The following PLEKHA5 variants were observed in gnomAD, a reference collection of about 807,000 sequenced individuals.
PLEKHA5 encodes pleckstrin homology domain containing A5.
In PLEKHA5, 55 loss-of-function variants were observed where a neutral mutation model predicts 181.9. The ratio of observed to expected loss-of-function variants is 0.30; its 90% CI spans 0.24 to 0.38. The LOEUF (loss-of-function observed/expected upper bound fraction) is 0.38. Ranked by LOEUF, PLEKHA5 falls within the 10% of genes least tolerant of loss-of-function variation. The pLI is 1.00. For synonymous variants in PLEKHA5, 535 were observed against 529.4 expected (o/e 1.01, Z -0.15); for missense variants, 1,432 against 1,549.5 (o/e 0.92, Z 1.27).
intron 15 of PLEKHA5, among the ~76,000 whole-genome samples, chr12:19,306,151 G>C (rs12302538): frequency 6.6e-6 from 1 of 152,088 alleles, no homozygotes; most frequent in East Asian, 1.9e-4. Flanking sequence ...TTAAGTATCA[G>C]ATTTTCTAGA....
At chr12:19,225,121 T>G (rs1012019886) in intron 3 of PLEKHA5, among the ~76,000 whole-genome samples, 1 of 152,194 alleles carries the variant, frequency 6.6e-6, no homozygotes, top group African/African-American at 2.4e-5. Flanking sequence ...AATCCCTTGA[T>G]TCCATACAGT....
chr12:19,306,521 AG>A (rs1176843947), intron 15 of PLEKHA5: 1 of 735,534 alleles, frequency 1.4e-6, no homozygotes, highest in African/African-American at 1.7e-5. Flanking sequence ...TTGAAGCAGG[AG>A]GGAGAACGCC....
rs2094317495 is a variant in PLEKHA5 at position 19,346,159 on chromosome 12, T to C, written c.2709+271T>C. Among the ~76,000 whole-genome samples the C allele has an allele frequency of 2.0e-5, 3 of 152,182 alleles. No homozygotes were observed. In the South Asian group the frequency reaches 6.2e-4, roughly 31 times the overall value. On this transcript the variant is annotated intron_variant, in intron 23 of 31. Coordinates refer to ENST00000429027, the MANE Select transcript of PLEKHA5 (RefSeq NM_001256470.2). Reference sequence around the variant, plus strand: ...TACTTTTTCTAATCTAAGTAATGTTTGAATACTTATCATTGTTTCTTATAC... The same window carrying C: ...TACTTTTTCTAATCTAAGTAATGTTCGAATACTTATCATTGTTTCTTATAC...
intron 31 of PLEKHA5, chr12:19,373,786 A>T (rs190769991): frequency 6.6e-6 from 1 of 152,356 alleles, no homozygotes; most frequent in East Asian, 1.9e-4. Context: ...ACCTCTTAGT[A>T]GAAAAATGTA....
intron 20 of PLEKHA5, among the ~76,000 whole-genome samples, chr12:19,335,439 G>A (rs1367084836): frequency 2.0e-5 from 3 of 146,596 alleles, no homozygotes; most frequent in African/African-American, 7.6e-5. Flanking sequence ...TTTTTGAGTC[G>A]GAGTCTCGCA....
intron 3 of PLEKHA5, among the ~76,000 whole-genome samples, chr12:19,250,115 G>A (rs932998763): frequency 3.3e-5 from 5 of 152,130 alleles, no homozygotes; most frequent in African/African-American, 7.2e-5. Flanking sequence ...CCCTGGAGGC[G>A]AAATCACCCA....
intron 3 of PLEKHA5, among the ~76,000 whole-genome samples, chr12:19,166,027 T>C (rs1236291198): frequency 3.9e-5 from 6 of 152,164 alleles, no homozygotes; most frequent in African/African-American, 1.4e-4. Context: ...AGATGGCAAC[T>C]GAGGCAAAAA....
chr12:19,207,382 A>G (rs1028838431), intron 3 of PLEKHA5: 4 of 152,208 alleles, frequency 2.6e-5, no homozygotes, highest in Non-Finnish European at 2.9e-5. Context: ...GAATACAGAA[A>G]GAAAAATTAC....
At chr12:19,140,283 G>A (rs371424556) in intron 3 of PLEKHA5, among the ~76,000 whole-genome samples, 15 of 152,276 alleles carry the variant, frequency 9.9e-5, no homozygotes, top group African/African-American at 3.4e-4. Flanking sequence ...TTGGTTTCAA[G>A]AAAACAAGGA....
chr12:19,356,244 G>C (rs181767332), intron 26 of PLEKHA5, among the ~76,000 whole-genome samples: 20 of 152,118 alleles, frequency 1.3e-4, no homozygotes, highest in Admixed American at 2.6e-4. Context: ...GCCAGGCATA[G>C]TAGCTCATAC....
intron 3 of PLEKHA5, among the ~76,000 whole-genome samples, chr12:19,239,610 A>G (rs2062079896): frequency 6.6e-6 from 1 of 152,232 alleles, no homozygotes; most frequent in Admixed American, 6.5e-5. Flanking sequence ...GAAGTAAAAG[A>G]AAACCTAGGA....
At position 19,367,671 on chromosome 12, in the gene PLEKHA5, C is replaced by G. The variant is rs552855752; in HGVS notation, c.3754+1562C>G. On this transcript the variant is annotated intron_variant, in intron 30 of 31. Transcript: ENST00000429027. The stretch of plus-strand genomic sequence containing the variant: ...CTCCACTCACTGCAAGCTCCGCCTC[C>G]TGGGTTCATGCCATTCTTCTGCCTC... Among the ~76,000 whole-genome samples, 7 of 152,122 alleles carry G rather than the reference C, an allele frequency of 4.6e-5. 1 individual carries two copies. In the South Asian group the frequency reaches 1.5e-3, roughly 32 times the overall value.
At chr12:19,240,644 A>T (rs1367171) in intron 3 of PLEKHA5, among the ~76,000 whole-genome samples, 7,060 of 147,554 alleles carry the variant, frequency 0.048, 197 homozygotes, top group South Asian at 0.099. Flanking sequence ...TATTATTATT[A>T]TTTTTTTTTA....
intron 15 of PLEKHA5, chr12:19,306,537 G>T (rs746614854): frequency 2.7e-6 from 2 of 748,180 alleles, no homozygotes; most frequent in Non-Finnish European, 5.0e-6. Flanking sequence ...AACGCCGCGA[G>T]CAGCGCCGTG....
intron 26 of PLEKHA5, among the ~76,000 whole-genome samples, chr12:19,354,823 C>T (rs2094838095): frequency 6.6e-6 from 1 of 152,150 alleles, no homozygotes; most frequent in Non-Finnish European, 1.5e-5. Flanking sequence ...GAGGACAGAC[C>T]TAGTCAACAC....
chr12:19,303,077 G>A (rs183669955), intron 15 of PLEKHA5, among the ~76,000 whole-genome samples: 60 of 150,884 alleles, frequency 4.0e-4, no homozygotes, highest in Admixed American at 2.1e-3. Flanking sequence ...GCACACCACC[G>A]CACCCAGCTA....
At position 19,375,903 on chromosome 12, in the gene PLEKHA5, G is replaced by A. The variant is rs1326178111; in HGVS notation, c.*384G>A. 1 of 150,048 alleles carries A rather than the reference G, an allele frequency of 6.7e-6. No homozygotes were observed. The highest frequency in any genetic ancestry group is 1.5e-5 in the Non-Finnish European group (1 of 67,292). 9.3% of individuals were successfully genotyped at this position (150,048 alleles called of 1,614,324 possible). ...ATTTTTTTGCTTTTCATTTTCTAAA[G>A]TTAGTTATTATTTCCATTGAAGCTT... is the stretch of plus-strand genomic sequence containing the variant. On this transcript the variant is annotated 3_prime_UTR_variant, in exon 32 of 32. Coordinates refer to ENST00000429027, the MANE Select transcript of PLEKHA5 (RefSeq NM_001256470.2).
intron 3 of PLEKHA5, among the ~76,000 whole-genome samples, chr12:19,174,096 A>T (rs1422255236): frequency 6.6e-6 from 1 of 152,254 alleles, no homozygotes; most frequent in Non-Finnish European, 1.5e-5. Context: ...TAATAATATC[A>T]TGAGTAGAAC....
intron 15 of PLEKHA5, among the ~76,000 whole-genome samples, chr12:19,314,243 CTT>C (rs1353123968): frequency 5.3e-5 from 8 of 152,080 alleles, no homozygotes; most frequent in Non-Finnish European, 8.8e-5. Context: ...TTTGCATATC[CTT>C]GAGTAATTCT....
Sources: gnomAD v4.1 joint callset for allele counts (sites outside exome capture counted in the v4.1 genomes callset) on GRCh38, gnomAD v4.1.1 for gene constraint, MANE v1.5 for transcripts, NCBI Gene and HGNC (gene_info 2026-07-23, HGNC 2026-07-21) for gene names.